The following CPVL variants were observed in gnomAD, a reference collection of about 807,000 sequenced individuals.
CPVL encodes the protein probable serine carboxypeptidase CPVL.
In CPVL, 51 loss-of-function variants were observed where a neutral mutation model predicts 63.7. The ratio of observed to expected loss-of-function variants is 0.80; its 90% CI spans 0.64 to 1.01. CPVL has a LOEUF of 1.01. Among genes scored for constraint, CPVL ranks in the 50% least tolerant of loss-of-function variants. The pLI is 0.00. For missense variants in CPVL, 530 were observed against 573.1 expected (o/e 0.92, Z 0.77); for synonymous variants, 195 against 206.0 (o/e 0.95, Z 0.46).
At chr7:29,057,300 G>A (rs1408024195) in intron 11 of CPVL, among the ~76,000 whole-genome samples, 1 of 151,928 alleles carries the variant, frequency 6.6e-6, no homozygotes, top group Non-Finnish European at 1.5e-5. Context: ...TATTTTCACT[G>A]GTGAGGTGCC....
Position 29,071,831 on chromosome 7 carries a change from T to C in CPVL, c.806A>G (p.Lys269Arg). ...GTGTTCTATGCATTCATGGCACTGC[T>C]TCTGGAAGTACTTTTTTTGCTTCTC... The part of the protein sequence containing the change: ...LDEKQKKYFQ[K>R]QCHECIEHIR... The change falls in exon 9 of 13, where the codon AAG (lysine) becomes AGG (arginine). Residue 269 changes from lysine to arginine, a missense_variant. Lys to Arg is a conservative substitution (Grantham distance 26, BLOSUM62 2). Transcript: ENST00000265394. 1 of 1,613,548 alleles carries C rather than the reference T, an allele frequency of 6.2e-7. No homozygotes were observed. Among genetic ancestry groups the C allele is most frequent in the South Asian group, 1.1e-5 (1 of 91,060 alleles).
At chr7:29,042,608 CA>C (rs1290945541) in intron 11 of CPVL, among the ~76,000 whole-genome samples, 3 of 151,804 alleles carry the variant, frequency 2.0e-5, no homozygotes, top group Admixed American at 6.6e-5. Context: ...GTCTCTAAAA[CA>C]AAACAAAACA....
intron 11 of CPVL, 112 bp downstream of exon 11, chr7:29,063,949 T>C (rs1258127930): frequency 1.3e-5 from 9 of 679,196 alleles, no homozygotes; most frequent in Non-Finnish European, 2.3e-5. Context: ...TTTATGCTAA[T>C]GACACATCAT....
intron 7 of CPVL, among the ~76,000 whole-genome samples, chr7:29,079,672 T>C (rs1365375126): frequency 6.6e-6 from 1 of 152,232 alleles, no homozygotes; most frequent in Non-Finnish European, 1.5e-5. Context: ...AATTACATGA[T>C]CCCAAGCCCA....
intron 11 of CPVL, among the ~76,000 whole-genome samples, chr7:29,042,051 C>T (rs1246262822): frequency 6.6e-6 from 1 of 151,934 alleles, no homozygotes. Context: ...AAAATTGGTC[C>T]TCTCTGTCAA....
At chr7:29,104,310 G>C (rs1787506190) in intron 3 of CPVL, among the ~76,000 whole-genome samples, 1 of 152,136 alleles carries the variant, frequency 6.6e-6, no homozygotes, top group Admixed American at 6.6e-5. Context: ...TACCCAGGCT[G>C]GAGTGCAATG....
intron 11 of CPVL, among the ~76,000 whole-genome samples, chr7:29,041,404 G>A (rs1327056407): frequency 6.6e-6 from 1 of 151,964 alleles, no homozygotes; most frequent in African/African-American, 2.4e-5. Flanking sequence ...TAAACTGACT[G>A]TCCCAGGAGC....
In CPVL at chr7:29,012,723, G is replaced by C. The variant is rs566405562; in HGVS notation, c.1321-16841C>G. On this transcript the variant is annotated intron_variant, in intron 12 of 12. Coordinates refer to ENST00000265394, the MANE Select transcript of CPVL (RefSeq NM_031311.5). ...TAGAACATACTTCAGGAATCAGAAT[G>C]AAAGTTTCTCCAAACATATGCCACA... The C allele has an allele frequency of 1.2e-3, 188 of 152,352 alleles. 1 individual carries two copies. The highest frequency in any genetic ancestry group is 4.4e-3 in the African/African-American group (182 of 41,584). 9.4% of individuals were successfully genotyped at this position (152,352 alleles called of 1,614,324 possible). A position where few individuals can be genotyped will look rare whatever the true frequency, so the allele number is the denominator to read the frequency against.
chr7:29,185,850 A>G (rs1798645198), intron 2 of CPVL, among the ~76,000 whole-genome samples: 1 of 152,198 alleles, frequency 6.6e-6, no homozygotes, highest in Middle Eastern at 3.2e-3. Flanking sequence ...TAGCAAGACC[A>G]ATATGTAGAT....
At chr7:29,104,404 G>A (rs1787517511) in intron 3 of CPVL, among the ~76,000 whole-genome samples, 1 of 152,110 alleles carries the variant, frequency 6.6e-6, no homozygotes. Flanking sequence ...GGGATTACAG[G>A]TACCTGCCAC....
intron 1 of CPVL, chr7:29,194,744 A>G (rs963158962): frequency 5.5e-5 from 25 of 452,766 alleles, no homozygotes; most frequent in Non-Finnish European, 8.6e-5. Context: ...GGAAACCACA[A>G]ATAAATAGCG....
intron 5 of CPVL, among the ~76,000 whole-genome samples, chr7:29,157,189 C>T (rs1318129560): frequency 6.6e-6 from 1 of 152,196 alleles, no homozygotes; most frequent in South Asian, 2.1e-4. Context: ...TCACCCACAT[C>T]AGCAGTTTAC....
At chr7:29,037,836 C>T (rs945531370) in intron 11 of CPVL, among the ~76,000 whole-genome samples, 4 of 152,226 alleles carry the variant, frequency 2.6e-5, no homozygotes, top group East Asian at 1.9e-4. Context: ...GCCTCAGCCC[C>T]GCAAGACCTG....
At position 29,177,237 on chromosome 7, in the gene CPVL, A is replaced by ATTTTG. The variant is rs10535682; in HGVS notation, c.-11+4048_-11+4052dup. Among the ~76,000 whole-genome samples the ATTTTG allele has an allele frequency of 1.9e-3, 282 of 146,862 alleles. 3 individuals carry two copies. The highest frequency in any genetic ancestry group is 3.2e-3 in the Non-Finnish European group (216 of 66,634). On this transcript the variant is annotated intron_variant, in intron 5 of 16. Transcript: ENST00000409850. ...TCTTTTTTCTTTCTTTTTTTGTTTTATTTTGTTTTGTTTTGTTTTGTTTTG... is the reference window on the plus strand; with the variant it reads ...TCTTTTTTCTTTCTTTTTTTGTTTTATTTTGTTTTGTTTTGTTTTGTTTTGTTTTG...
chr7:29,141,854 G>A (rs537076621), intron 1 of CPVL, among the ~76,000 whole-genome samples: 5 of 152,086 alleles, frequency 3.3e-5, no homozygotes, highest in Non-Finnish European at 5.9e-5. Flanking sequence ...GGCAGAGGTT[G>A]CAGTGAGCTG....
intron 12 of CPVL, among the ~76,000 whole-genome samples, chr7:29,000,754 C>T (rs559377523): frequency 2.6e-5 from 4 of 152,216 alleles, no homozygotes; most frequent in South Asian, 2.1e-4. Context: ...GCGTATGATT[C>T]GGTAGCATTT....
At chr7:29,164,083 T>G (rs1020705970) in intron 5 of CPVL, among the ~76,000 whole-genome samples, 1 of 152,218 alleles carries the variant, frequency 6.6e-6, no homozygotes, top group Admixed American at 6.5e-5. Context: ...GCTATAAAAT[T>G]GTTCTCAAAA....
At chr7:29,029,015 A>G (rs930657849) in intron 12 of CPVL, among the ~76,000 whole-genome samples, 1 of 151,788 alleles carries the variant, frequency 6.6e-6, no homozygotes, top group Non-Finnish European at 1.5e-5. Flanking sequence ...GACATTTCTC[A>G]AAAGAAGACA....
chr7:29,156,994 T>G (rs534457265), intron 5 of CPVL, among the ~76,000 whole-genome samples: 6 of 152,248 alleles, frequency 3.9e-5, no homozygotes, highest in African/African-American at 1.4e-4. Flanking sequence ...TTTTCACACA[T>G]TGGTCCACCC....
Sources: gnomAD v4.1 joint callset for allele counts (sites outside exome capture counted in the v4.1 genomes callset) on GRCh38, gnomAD v4.1.1 for gene constraint, MANE v1.5 for transcripts, NCBI Gene and HGNC (gene_info 2026-07-23, HGNC 2026-07-21) for gene names.